SNX13: variants seen among roughly 807,000 people sequenced by gnomAD.
SNX13 encodes sorting nexin 13.
A neutral mutation model predicts 133.6 loss-of-function variants in SNX13; 45 were observed. The ratio of observed to expected loss-of-function variants is 0.34; its 90% CI spans 0.27 to 0.43. SNX13 has a LOEUF of 0.43. Among genes scored for constraint, SNX13 ranks in the 20% least tolerant of loss-of-function variants. The pLI, the probability that SNX13 is intolerant of heterozygous loss-of-function variation, is 1.00. For synonymous variants in SNX13, 414 were observed against 373.9 expected, an observed-to-expected ratio of 1.11 and a Z score of -1.24; for missense variants, 1,032 against 1,145.1, an observed-to-expected ratio of 0.90 and a Z score of 1.43.
chr7:17,881,090 A>T (rs1795282993), intron 5 of SNX13: 1 of 152,164 alleles, frequency 6.6e-6, no homozygotes, highest in Non-Finnish European at 1.5e-5. Context: ...TTTCCACAGA[A>T]AACAATCCTA....
rs773736260 is a variant in SNX13, at chr7:17,890,380, G to T, written c.423C>A (p.Leu141=). 1 of 1,611,052 alleles carries T rather than the reference G, an allele frequency of 6.2e-7. No individual in the cohort carries two copies. The highest frequency in any genetic ancestry group is 8.5e-7 in the Non-Finnish European group (1 of 1,178,346). Reference sequence around the variant, plus strand: ...GTCCTTACCTAGTAGCAAACTGAATGAGTGCGTTTTGAAGAGTCTGCCTAA... The same window carrying T: ...GTCCTTACCTAGTAGCAAACTGAATTAGTGCGTTTTGAAGAGTCTGCCTAA... ...LEIRQTLQNA[L]IQFATRSKEI... The change falls in exon 5 of 26, where the codon CTC becomes CTA. Residue 141 remains leucine (L), a synonymous_variant. Transcript: ENST00000428135.
chr7:17,873,355 A>G (rs527467876), intron 8 of SNX13, among the ~76,000 whole-genome samples, 173 bp downstream of exon 8: 1 of 152,344 alleles, frequency 6.6e-6, no homozygotes, highest in South Asian at 2.1e-4. Flanking sequence ...TCATGTTTTA[A>G]AAATTTCTTA....
chr7:17,911,396 T>A (rs1798962307), intron 1 of SNX13, among the ~76,000 whole-genome samples: 1 of 152,140 alleles, frequency 6.6e-6, no homozygotes, highest in Admixed American at 6.6e-5. Context: ...CCCAGAACTT[T>A]GGGAGGCTAA....
At chr7:17,927,479 G>A (rs917653876) in intron 1 of SNX13, among the ~76,000 whole-genome samples, 1 of 152,052 alleles carries the variant, frequency 6.6e-6, no homozygotes, top group South Asian at 2.1e-4. Flanking sequence ...ATGGGCTCAA[G>A]CAATCCTTTC....
At chr7:17,835,460 T>C (rs1173750161) in intron 13 of SNX13, among the ~76,000 whole-genome samples, 1 of 151,910 alleles carries the variant, frequency 6.6e-6, no homozygotes, top group Non-Finnish European at 1.5e-5. Context: ...AAAATTAATT[T>C]GTTTTAAGAA....
chr7:17,857,121 C>T (rs938035462), intron 9 of SNX13, among the ~76,000 whole-genome samples: 3 of 151,974 alleles, frequency 2.0e-5, no homozygotes, highest in Non-Finnish European at 2.9e-5. Context: ...TATGCTCCAA[C>T]AAACTGGAAA....
chr7:17,850,972 C>G lies in SNX13; in HGVS notation c.838-8G>C. The G allele has an allele frequency of 6.3e-7, 1 of 1,595,114 alleles. No individual in the cohort carries two copies. The highest frequency in any genetic ancestry group is 1.1e-5 in the South Asian group (1 of 87,942). Reference sequence around the variant, plus strand: ...GCAGTTAGAATCACGGATCTGAAAACAAGTTTAAGAAAAACAGGTGGGAGA... The same window carrying G: ...GCAGTTAGAATCACGGATCTGAAAAGAAGTTTAAGAAAAACAGGTGGGAGA... On this transcript the variant is annotated splice_polypyrimidine_tract_variant and splice_region_variant and intron_variant, in intron 9 of 25. Coordinates refer to ENST00000428135, the MANE Select transcript of SNX13 (RefSeq NM_015132.5).
intron 8 of SNX13, among the ~76,000 whole-genome samples, chr7:17,870,668 T>G (rs979209273): frequency 2.6e-5 from 4 of 152,224 alleles, no homozygotes; most frequent in Non-Finnish European, 5.9e-5. Flanking sequence ...GGTTTCCTTT[T>G]GCATTAAAAC....
chr7:17,834,825 T>C lies in SNX13; in HGVS notation c.1400A>G (p.Lys467Arg), dbSNP rs774949651. The change falls in exon 14 of 26, where the codon AAA becomes AGA. Residue 467 changes from lysine to arginine, a missense_variant. By Grantham distance (26) the Lys-to-Arg change is conservative (BLOSUM62 2). Transcript: ENST00000428135. ...RVTVDDYLVA[K>R]LADTLNHEDP... ...TTCATGATTCAAAGTATCTGCTAAT[T>C]TTGCTACTAAATAGTCATCAACAGT... 7 of 1,609,964 alleles carry C rather than the reference T, an allele frequency of 4.3e-6. No homozygotes were observed. The highest frequency in any genetic ancestry group is 4.0e-5 in the African/African-American group (3 of 74,706).
rs1484384839 is a variant in SNX13, at chr7:17,903,345, A to G, written c.13-5899T>C. Among the ~76,000 whole-genome samples the G allele has an allele frequency of 2.6e-5, 4 of 152,178 alleles. No homozygotes were observed. The East Asian group carries it at 7.7e-4, about 29-fold the overall frequency. Reference sequence around the variant, plus strand: ...TATATTTATAATTTTCCCTAAATTAATCTCTAGGCCATAAAATCTTAATCA... The same window carrying G: ...TATATTTATAATTTTCCCTAAATTAGTCTCTAGGCCATAAAATCTTAATCA... On this transcript the variant is annotated intron_variant, in intron 1 of 25. Transcript: ENST00000428135.
chr7:17,863,385 T>C (rs568557938), intron 9 of SNX13, among the ~76,000 whole-genome samples: 5 of 152,120 alleles, frequency 3.3e-5, no homozygotes, highest in Admixed American at 1.3e-4. Context: ...CCTCCACCAC[T>C]TCCAGGCAGT....
chr7:17,836,739 T>C (rs1170258435), intron 13 of SNX13, among the ~76,000 whole-genome samples: 5 of 152,062 alleles, frequency 3.3e-5, no homozygotes, highest in Admixed American at 6.6e-5. Context: ...TCCTCTAATA[T>C]ACCAATTTAA....
intron 18 of SNX13, among the ~76,000 whole-genome samples, chr7:17,818,994 T>C (rs946835742): frequency 1.3e-5 from 2 of 152,166 alleles, no homozygotes; most frequent in Non-Finnish European, 2.9e-5. Flanking sequence ...TACAAGCTCT[T>C]AGAGGCAAGG....
chr7:17,912,975 G>A (rs973366886), intron 1 of SNX13, among the ~76,000 whole-genome samples: 1 of 152,152 alleles, frequency 6.6e-6, no homozygotes, highest in Non-Finnish European at 1.5e-5. Flanking sequence ...TGCAAGACTC[G>A]CAGCCAGGGA....
intron 11 of SNX13, 145 bp downstream of exon 11, chr7:17,850,202 A>T (rs1791044520): frequency 2.5e-6 from 1 of 398,596 alleles, no homozygotes; most frequent in Admixed American, 4.5e-5. Flanking sequence ...TTTATATCAC[A>T]TTGTAGAAGA....
chr7:17,917,088 A>C (rs535075307), intron 1 of SNX13, among the ~76,000 whole-genome samples: 4 of 152,338 alleles, frequency 2.6e-5, no homozygotes, highest in Middle Eastern at 3.4e-3. Context: ...CAATATATTC[A>C]GAAAAAGCAT....
chr7:17,807,300 G>A (rs1055664422), intron 20 of SNX13, among the ~76,000 whole-genome samples: 1 of 152,106 alleles, frequency 6.6e-6, no homozygotes, highest in Non-Finnish European at 1.5e-5. Flanking sequence ...GTGGGGGGAG[G>A]GGCCCCCACT....
In SNX13 at chr7:17,798,843, T is replaced by A. The variant is rs1413889271; in HGVS notation, c.2445-85A>T. On this transcript the variant is annotated intron_variant, in intron 23 of 25. Transcript: ENST00000428135. The stretch of plus-strand genomic sequence containing the variant: ...CGTGACTTTCATAGAGCAAGCAACT[T>A]AATCTGGATGTAAATTATCCCTGAG... 6 of 1,228,028 alleles carry A rather than the reference T, an allele frequency of 4.9e-6. No individual in the cohort carries two copies. The Admixed American group carries it at 8.0e-5, about 16-fold the overall frequency. 76.1% of individuals were successfully genotyped at this position (1,228,028 alleles called of 1,614,324 possible). A position where few individuals can be genotyped will look rare whatever the true frequency, so the allele number is the denominator to read the frequency against.
At chr7:17,839,696 G>T in intron 13 of SNX13, 111 bp downstream of exon 13, 1 of 800,180 alleles carries the variant, frequency 1.2e-6, no homozygotes, top group Non-Finnish European at 1.9e-6. Context: ...GATTGTTATC[G>T]ATTAAAGGAG....
Sources: allele counts gnomAD v4.1 joint callset (sites outside exome capture counted in the v4.1 genomes callset), GRCh38; gene constraint gnomAD v4.1.1; transcripts MANE v1.5; gene names NCBI Gene and HGNC (gene_info 2026-07-23, HGNC 2026-07-21).